The following HS6ST2 variants were observed in gnomAD, a reference collection of about 807,000 sequenced individuals.
HS6ST2 encodes heparan-sulfate 6-O-sulfotransferase 2.
Under a neutral mutation model 33.0 loss-of-function variants are expected in HS6ST2, and 17 were observed. The observed-to-expected ratio is 0.52, with a 90% CI of 0.35 to 0.77. The LOEUF (loss-of-function observed/expected upper bound fraction) is 0.77, where lower values mean the gene tolerates loss of function less well. Ranked by LOEUF, HS6ST2 falls within the 30% of genes least tolerant of loss-of-function variation. The probability of loss-of-function intolerance (pLI) is 0.01; values close to 1 mark genes in which losing one functional copy is unlikely to be tolerated. For synonymous variants in HS6ST2, 248 were observed against 237.1 expected (o/e 1.05, Z -0.42); for missense variants, 519 against 551.7 (o/e 0.94, Z 0.59).
chrX:132,760,435 T>A (rs902310693), intron 2 of HS6ST2, among the ~76,000 whole-genome samples: 1 of 111,465 alleles, frequency 9.0e-6, no homozygotes, highest in African/African-American at 3.3e-5. Context: ...TTCTCCTTCC[T>A]GCCACCATGT....
chrX:132,960,218 G>C (rs1343974486), upstream of HS6ST2, among the ~76,000 whole-genome samples: 4 of 111,411 alleles, frequency 3.6e-5, no homozygotes, highest in Non-Finnish European at 7.6e-5. Flanking sequence ...TGCTCCCCCT[G>C]AGGGCAGCTT....
At chrX:132,936,884 G>T (rs1262987363) in intron 2 of HS6ST2, among the ~76,000 whole-genome samples, 1 of 109,076 alleles carries the variant, frequency 9.2e-6, no homozygotes, top group Non-Finnish European at 1.9e-5. Context: ...AAAAAAGAAA[G>T]AAAATGCATC....
At chrX:132,858,442 G>T (rs190526010) in intron 2 of HS6ST2, among the ~76,000 whole-genome samples, 105 of 112,197 alleles carry the variant, frequency 9.4e-4, no homozygotes, top group African/African-American at 3.1e-3. Flanking sequence ...CTTTCAGTTT[G>T]CCTTACCTCC....
intron 2 of HS6ST2, among the ~76,000 whole-genome samples, chrX:132,802,071 A>G (rs1003378005): frequency 4.5e-5 from 5 of 112,081 alleles, no homozygotes; most frequent in African/African-American, 1.6e-4. Context: ...CATTGCTTGT[A>G]ATATAAAATA....
At chrX:132,878,630 C>T (rs376269608) in intron 2 of HS6ST2, among the ~76,000 whole-genome samples, 29 of 111,916 alleles carry the variant, frequency 2.6e-4, no homozygotes, top group African/African-American at 8.1e-4. Flanking sequence ...TGATGCCAAA[C>T]GCCAATGAAT....
intron 2 of HS6ST2, among the ~76,000 whole-genome samples, chrX:132,786,769 C>T: frequency 9.2e-6 from 1 of 109,158 alleles, no homozygotes; most frequent in East Asian, 2.9e-4. Flanking sequence ...TTACAGGCGC[C>T]TGCCACCATG....
intron 4 of HS6ST2, among the ~76,000 whole-genome samples, chrX:132,642,640 C>T (rs2063609333): frequency 9.0e-6 from 1 of 111,493 alleles, no homozygotes; most frequent in Non-Finnish European, 1.9e-5. Flanking sequence ...GCATTCTATA[C>T]AGTAACAGGC....
At chrX:132,893,516 A>G (rs1051934968) in intron 2 of HS6ST2, among the ~76,000 whole-genome samples, 2 of 111,945 alleles carry the variant, frequency 1.8e-5, no homozygotes, top group Admixed American at 9.5e-5. Context: ...CTAAGGCTCT[A>G]TTGACTGTCT....
Position 132,739,638 on chromosome X carries a change from C to T in HS6ST2, c.948-31144G>A, listed in dbSNP as rs776100449. On this transcript the variant is annotated intron_variant, in intron 2 of 4. Coordinates refer to ENST00000370833, the MANE Select transcript of HS6ST2 (RefSeq NM_001394073.1). ...GCTGAGGCACGATAATTGCTTGAAC[C>T]CAGGGGGCAGAGGTTGCAGTGAGCC... Among the ~76,000 whole-genome samples the T allele has an allele frequency of 7.5e-5, 8 of 107,367 alleles. No homozygotes were observed. The South Asian group carries it at 3.4e-3, about 46-fold the overall frequency. The allele number at this position is 107,367 out of a possible 115,157, so 93.2% of individuals were successfully genotyped here.
intron 2 of HS6ST2, among the ~76,000 whole-genome samples, chrX:132,943,853 G>C (rs1279646846): frequency 2.7e-5 from 3 of 111,481 alleles, no homozygotes; most frequent in East Asian, 5.6e-4. Flanking sequence ...TTGATGGGAC[G>C]TATCTCAAAA....
chrX:132,844,847 T>G (rs2065736591), intron 2 of HS6ST2, among the ~76,000 whole-genome samples: 1 of 110,671 alleles, frequency 9.0e-6, no homozygotes, highest in Non-Finnish European at 1.9e-5. Context: ...TCGATTAAAG[T>G]CAGTTTAGTT....
At chrX:132,781,328 T>A (rs1320588151) in intron 2 of HS6ST2, among the ~76,000 whole-genome samples, 2 of 111,894 alleles carry the variant, frequency 1.8e-5, no homozygotes, top group African/African-American at 6.5e-5. Context: ...GGTGTCTACT[T>A]CTCCCTTGCA....
intron 2 of HS6ST2, among the ~76,000 whole-genome samples, chrX:132,911,997 T>C (rs2066540911): frequency 8.9e-6 from 1 of 111,751 alleles, no homozygotes; most frequent in Admixed American, 9.5e-5. Flanking sequence ...CTCTATCATA[T>C]ATCCCTGTAG....
intron 2 of HS6ST2, among the ~76,000 whole-genome samples, chrX:132,861,494 T>A (rs2148417858): frequency 8.9e-6 from 1 of 112,749 alleles, no homozygotes; most frequent in East Asian, 2.8e-4. Context: ...GATTACTTCA[T>A]CAAATTTGCT....
chrX:132,920,611 A>C (rs2066642037), intron 2 of HS6ST2, among the ~76,000 whole-genome samples: 1 of 112,629 alleles, frequency 8.9e-6, no homozygotes, highest in Non-Finnish European at 1.9e-5. Flanking sequence ...AAGAAAAAAA[A>C]CAGTGAGGCA....
chrX:132,656,120 G>C (rs1297354156), intron 4 of HS6ST2, among the ~76,000 whole-genome samples: 2 of 111,719 alleles, frequency 1.8e-5, no homozygotes, highest in Non-Finnish European at 3.8e-5. Context: ...TTTCCTCCAA[G>C]TGTTTCAGAT....
intron 2 of HS6ST2, among the ~76,000 whole-genome samples, chrX:132,812,916 C>A (rs954712572): frequency 1.8e-5 from 2 of 109,895 alleles, no homozygotes; most frequent in Non-Finnish European, 3.8e-5. Context: ...TCCGTTATCC[C>A]CCGATTTCTC....
chrX:132,649,866 A>C (rs1412169062), intron 4 of HS6ST2, among the ~76,000 whole-genome samples: 1 of 110,284 alleles, frequency 9.1e-6, no homozygotes, highest in Non-Finnish European at 1.9e-5. Flanking sequence ...TAAAAAAAAA[A>C]AAAAAACACA....
At chrX:132,929,954 G>A (rs1391153127) in intron 2 of HS6ST2, among the ~76,000 whole-genome samples, 4 of 111,008 alleles carry the variant, frequency 3.6e-5, no homozygotes, top group Non-Finnish European at 7.6e-5. Context: ...ATAAGCAGAC[G>A]GAGATTGAAA....
Sources: gnomAD v4.1 joint callset for allele counts (sites outside exome capture counted in the v4.1 genomes callset) on GRCh38, gnomAD v4.1.1 for gene constraint, MANE v1.5 for transcripts, NCBI Gene and HGNC (gene_info 2026-07-23, HGNC 2026-07-21) for gene names.